Variants in CFAP99 observed in about 807,000 individuals in gnomAD.
CFAP99 encodes cilia and flagella associated protein 99, also known as cilia- and flagella-associated protein 99.
CFAP99 carries 84 observed loss-of-function variants against 82.7 expected under a neutral mutation model. The ratio of observed to expected loss-of-function variants is 1.02; its 90% CI spans 0.85 to 1.22. The LOEUF (loss-of-function observed/expected upper bound fraction) is 1.22. Among genes scored for constraint, CFAP99 ranks in the 50% most tolerant of loss-of-function variants. The pLI, the probability that CFAP99 is intolerant of heterozygous loss-of-function variation, is 0.00. For synonymous variants in CFAP99, 456 were observed against 429.5 expected (o/e 1.06, Z -0.76); for missense variants, 1,059 against 983.5 (o/e 1.08, Z -1.03).
intron 1 of CFAP99, among the ~76,000 whole-genome samples, chr4:2,419,665 C>T (rs1733505193): frequency 6.6e-6 from 1 of 152,190 alleles, no homozygotes; most frequent in Admixed American, 6.5e-5. Flanking sequence ...CTGGCCAGTG[C>T]CAGGTGCTCA....
At chr4:2,425,132 T>C (rs888981603) in intron 1 of CFAP99, among the ~76,000 whole-genome samples, 2 of 152,242 alleles carry the variant, frequency 1.3e-5, no homozygotes, top group African/African-American at 4.8e-5. Flanking sequence ...CCTCTCTTTT[T>C]CTCCAGCCAT....
chr4:2,462,379 G>T lies in CFAP99; in HGVS notation c.1662-64G>T, dbSNP rs1734640387. ...CCCCCGCGTCGCTTGGACACGGGTG[G>T]CATCCTGGGTCTGGCCTGGGCCTCC... On this transcript the variant is annotated intron_variant, in intron 14 of 14. Coordinates refer to ENST00000635017, the Ensembl canonical transcript of CFAP99. This position sits in a 1 kb window ranked among gnomAD's most constrained non-coding sequence, Gnocchi z 4.1. The T allele has an allele frequency of 5.2e-6, 7 of 1,356,342 alleles. No homozygotes were observed. The South Asian group carries it at 1.2e-4, about 23-fold the overall frequency. The allele number at this position is 1,356,342 out of a possible 1,614,324, so 84.0% of individuals were successfully genotyped here.
Position 2,462,450 on chromosome 4 carries a change from G to C in CFAP99, c.1669G>C (p.Glu557Gln), listed in dbSNP as rs1168543014. Residue 557 changes from glutamate to glutamine, a missense_variant, in exon 15 of 15, where the codon GAA (glutamate) becomes CAA (glutamine). Transcript: ENST00000635017. This position sits in a 1 kb window ranked among gnomAD's most constrained non-coding sequence, Gnocchi z 4.1. ...CGCCGCGTCGCCCGCCAGGTGGGAGGAAAAGAAGGCCCTTGCGGCGGCCCC... is the reference window on the plus strand; with the variant it reads ...CGCCGCGTCGCCCGCCAGGTGGGAGCAAAAGAAGGCCCTTGCGGCGGCCCC... 2 of 1,455,426 alleles carry C rather than the reference G, an allele frequency of 1.4e-6. No homozygotes were observed. Among genetic ancestry groups the C allele is most frequent in the Non-Finnish European group, 1.8e-6 (2 of 1,114,798 alleles). 90.2% of individuals were successfully genotyped at this position (1,455,426 alleles called of 1,614,324 possible).
rs146154713 is a variant in CFAP99, at chr4:2,446,368, G to GTTATTATTATTA, written c.642+1090_642+1101dup. Among the ~76,000 whole-genome samples, 118 of 148,494 alleles carry GTTATTATTATTA rather than the reference G, an allele frequency of 7.9e-4. No individual in the cohort carries two copies. The highest frequency in any genetic ancestry group is 2.0e-3 in the African/African-American group (80 of 40,104). On this transcript the variant is annotated intron_variant, in intron 6 of 14. Coordinates refer to ENST00000635017, the Ensembl canonical transcript of CFAP99. The surrounding 1 kb of genome is among the most constrained non-coding windows in gnomAD (Gnocchi z 5.0). ...CTTTTTATTTCATTTTATTATTGTT[G>GTTATTATTATTA]TTATTATTATTATTATTATTATTAT...
chr4:2,462,736 G>A lies in CFAP99; in HGVS notation c.1955G>A (p.Gly652Glu), dbSNP rs1734656506. 3 of 1,241,860 alleles carry A rather than the reference G, an allele frequency of 2.4e-6. No individual in the cohort carries two copies. The highest frequency in any genetic ancestry group is 2.9e-5 in the South Asian group (1 of 34,816). 76.9% of individuals were successfully genotyped at this position (1,241,860 alleles called of 1,614,324 possible). The change falls in exon 15 of 15, where the codon GGG (glycine) becomes GAG (glutamate). Residue 652 changes from glycine (G) to glutamate (E), a missense_variant. By Grantham distance (98) the Gly-to-Glu change is moderately conservative (BLOSUM62 -2). Transcript: ENST00000635017. This position sits in a 1 kb window ranked among gnomAD's most constrained non-coding sequence, Gnocchi z 4.1. ...GGAGATCGGGTCCGGTCCGCGGCCG[G>A]GAGATACGCAGCGGCGGGCGCGGGA...
intron 5 of CFAP99, among the ~76,000 whole-genome samples, chr4:2,444,580 A>G (rs1269196914): frequency 2.0e-5 from 3 of 152,012 alleles, no homozygotes; most frequent in Non-Finnish European, 2.9e-5. Flanking sequence ...GGAGCCCCAC[A>G]CTCGGGCGGC....
intron 11 of CFAP99, among the ~76,000 whole-genome samples, chr4:2,454,600 T>G (rs1372805904): frequency 3.3e-5 from 5 of 150,764 alleles, no homozygotes; most frequent in East Asian, 1.9e-4. Flanking sequence ...TTTTGTTTTT[T>G]TTTTTTTTTG....
intron 2 of CFAP99, among the ~76,000 whole-genome samples, chr4:2,435,141 C>T (rs904865641): frequency 2.0e-5 from 3 of 151,778 alleles, no homozygotes; most frequent in Non-Finnish European, 2.9e-5. Context: ...ACTAAATATA[C>T]GAAAAATTAG....
intron 14 of CFAP99, among the ~76,000 whole-genome samples, chr4:2,460,811 G>T (rs754550929): frequency 1.3e-5 from 2 of 152,016 alleles, no homozygotes; most frequent in African/African-American, 4.8e-5. Flanking sequence ...GTGCAGTGGC[G>T]CAATCTCAGC....
In CFAP99 at chr4:2,443,501, G is replaced by A. The variant is rs569259675; in HGVS notation, c.464+259G>A. On this transcript the variant is annotated intron_variant, in intron 5 of 14. Coordinates refer to ENST00000635017, the Ensembl canonical transcript of CFAP99. Reference sequence around the variant, plus strand: ...TCCCTCCATGCCAGTCAGCTGACACGTGGCGGGTGGCTGAAGGCCATTTCA... The same window carrying A: ...TCCCTCCATGCCAGTCAGCTGACACATGGCGGGTGGCTGAAGGCCATTTCA... Among the ~76,000 whole-genome samples the A allele has an allele frequency of 6.6e-5, 10 of 152,352 alleles. No homozygotes were observed. In the East Asian group the frequency reaches 1.2e-3, roughly 18 times the overall value.
chr4:2,451,496 C>T (rs962936077), intron 10 of CFAP99, 144 bp downstream of exon 10: 16 of 702,428 alleles, frequency 2.3e-5, no homozygotes, highest in South Asian at 1.9e-4. Context: ...GCAACAGGGG[C>T]GACAAGCAGG....
exon 13 of CFAP99, chr4:2,459,137 T>C: frequency 6.5e-7 from 1 of 1,532,728 alleles, no homozygotes. Flanking sequence ...AGCAGGGGGC[T>C]GCTGCAGCGC....
intron 11 of CFAP99, among the ~76,000 whole-genome samples, chr4:2,456,387 A>T (rs1286654851): frequency 2.0e-5 from 3 of 151,908 alleles, no homozygotes; most frequent in African/African-American, 4.8e-5. Context: ...GATATATTTT[A>T]AAATTATGGC....
At position 2,449,934 on chromosome 4, in the gene CFAP99, G is replaced by T; in HGVS notation, c.724G>T (p.Glu242Ter). The stretch of plus-strand genomic sequence containing the variant: ...TGGAGCCGCTGTGTCACTGTGGCAG[G>T]AGCTGCTGCTGAGGGCAAACATCGA... Residue 242 changes from glutamate (E) to a stop codon, truncating the protein, a stop_gained and splice_region_variant, in exon 8 of 15, where the codon GAG becomes TAG. Coordinates refer to ENST00000635017, the Ensembl canonical transcript of CFAP99. LOFTEE classifies it high-confidence loss of function. 1 of 1,536,184 alleles carries T rather than the reference G, an allele frequency of 6.5e-7. No individual in the cohort carries two copies. The highest frequency in any genetic ancestry group is 8.7e-7 in the Non-Finnish European group (1 of 1,146,934).
At position 2,462,519 on chromosome 4, in the gene CFAP99, AGGATCTC is replaced by A; in HGVS notation, c.1742_1748del (p.Ile581ArgfsTer27). The A allele has an allele frequency of 6.8e-7, 1 of 1,475,032 alleles. No homozygotes were observed. The highest frequency in any genetic ancestry group is 8.9e-7 in the Non-Finnish European group (1 of 1,121,550). The allele number at this position is 1,475,032 out of a possible 1,614,324, so 91.4% of individuals were successfully genotyped here. ...CGAGCGCGTGCAGCAGCTGCGGCGC[AGGATCTC>A]GGAGAGGGCGGCCGAGCGCAGCAGG... is the stretch of plus-strand genomic sequence containing the variant. On this transcript the variant is annotated frameshift_variant, in exon 15 of 15. Transcript: ENST00000635017. LOFTEE classifies it low-confidence loss of function (END_TRUNC). This position sits in a 1 kb window ranked among gnomAD's most constrained non-coding sequence, Gnocchi z 4.1.
At chr4:2,438,254 T>G (rs548278911) in intron 4 of CFAP99, 90 bp downstream of exon 4, 53 of 783,508 alleles carry the variant, frequency 6.8e-5, no homozygotes, top group Admixed American at 4.3e-4. Flanking sequence ...CTGGTTGGGT[T>G]GTTTTGTTTG....
intron 8 of CFAP99, 177 bp downstream of exon 8, chr4:2,450,182 C>A: frequency 1.5e-6 from 1 of 670,096 alleles, no homozygotes; most frequent in Non-Finnish European, 2.6e-6. Flanking sequence ...TGCGATGTGG[C>A]CCCTAAGCAG....
In CFAP99 at chr4:2,451,028, G is replaced by A. The variant is rs772591752; in HGVS notation, c.867+10G>A. On this transcript the variant is annotated intron_variant, in intron 9 of 14. Coordinates refer to ENST00000635017, the Ensembl canonical transcript of CFAP99. ...GCTGACCTTCTATAGGGTGAGGGGT[G>A]CTCCTGGATGGTCAGGCTGCTCTCC... The A allele has an allele frequency of 1.3e-6, 2 of 1,535,162 alleles. No homozygotes were observed. Among genetic ancestry groups the A allele is most frequent in the East Asian group, 2.4e-5 (1 of 40,888 alleles).
chr4:2,427,312 C>T (rs1733705448), intron 2 of CFAP99: 1 of 152,910 alleles, frequency 6.5e-6, no homozygotes, highest in Non-Finnish European at 1.5e-5. Flanking sequence ...GCTGATCTCA[C>T]ATCCACCACC....
Sources: allele counts gnomAD v4.1 joint callset (sites outside exome capture counted in the v4.1 genomes callset), GRCh38; gene constraint gnomAD v4.1.1; non-coding constraint Gnocchi (gnomAD v3.1); transcripts MANE v1.5; gene names NCBI Gene and HGNC (gene_info 2026-07-23, HGNC 2026-07-21).